ZCCHC4: variants seen among roughly 807,000 people sequenced by gnomAD.
ZCCHC4 encodes zinc finger CCHC-type containing 4, also known as rRNA N(6)-adenosine-methyltransferase ZCCHC4.
Under a neutral mutation model 67.7 loss-of-function variants are expected in ZCCHC4, and 54 were observed. The observed-to-expected ratio is 0.80, with a 90% CI of 0.64 to 1.00. The LOEUF (loss-of-function observed/expected upper bound fraction) is 1.00. Ranked by LOEUF, ZCCHC4 falls within the 50% of genes least tolerant of loss-of-function variation. The pLI, the probability that ZCCHC4 is intolerant of heterozygous loss-of-function variation, is 0.00. For missense variants in ZCCHC4, 609 were observed against 617.0 expected, an observed-to-expected ratio of 0.99 and a Z score of 0.14; for synonymous variants, 198 against 213.5, an observed-to-expected ratio of 0.93 and a Z score of 0.63.
chr4:25,335,339 T>G (rs921653879), intron 5 of ZCCHC4, among the ~76,000 whole-genome samples: 1 of 152,086 alleles, frequency 6.6e-6, no homozygotes. Flanking sequence ...TCCCAGCTAC[T>G]AGGGAGGCTG....
At chr4:25,364,320 A>G in intron 10 of ZCCHC4, 134 bp from the exon 11 acceptor site, 1 of 602,690 alleles carries the variant, frequency 1.7e-6, no homozygotes, top group Non-Finnish European at 2.5e-6. Flanking sequence ...TCTAATTGTG[A>G]AGCCCAGAAA....
At chr4:25,344,619 AAAAT>A (rs1048974683) in intron 5 of ZCCHC4, among the ~76,000 whole-genome samples, 9 of 151,774 alleles carry the variant, frequency 5.9e-5, no homozygotes, top group African/African-American at 2.2e-4. Context: ...TAATAATAAT[AAAAT>A]AAAATAAATA....
intron 12 of ZCCHC4, chr4:25,365,639 T>C (rs1014073144): frequency 1.0e-6 from 1 of 985,480 alleles, no homozygotes; most frequent in African/African-American, 1.7e-5. Flanking sequence ...TTAAGAAAAA[T>C]ATTTAGACAT....
chr4:25,344,664 A>C (rs1719917761), intron 5 of ZCCHC4, among the ~76,000 whole-genome samples: 1 of 152,016 alleles, frequency 6.6e-6, no homozygotes. Context: ...TTAGCAAAAC[A>C]AAATAATTCA....
intron 4 of ZCCHC4, 73 bp from the exon 5 acceptor site, chr4:25,333,835 T>G: frequency 1.9e-6 from 2 of 1,029,834 alleles, no homozygotes; most frequent in Non-Finnish European, 1.4e-6. Context: ...CATTGATGGT[T>G]TTGTTGTTTG....
chr4:25,329,194 T>A (rs1719046445), intron 3 of ZCCHC4, among the ~76,000 whole-genome samples: 1 of 152,046 alleles, frequency 6.6e-6, no homozygotes, highest in Non-Finnish European at 1.5e-5. Context: ...CTCAAAAAAA[T>A]GAAAATAAAT....
chr4:25,357,371 CTTG>C (rs1720558918), intron 8 of ZCCHC4, among the ~76,000 whole-genome samples: 1 of 152,178 alleles, frequency 6.6e-6, no homozygotes, highest in Non-Finnish European at 1.5e-5. Context: ...TGAAAGTTTC[CTTG>C]TTGTGATACT....
chr4:25,333,269 A>G lies in ZCCHC4; in HGVS notation c.416A>G (p.Gln139Arg), dbSNP rs774692683. The stretch of plus-strand genomic sequence containing the variant: ...TTGTTGTTACCAGATGACTGGGGGC[A>G]ACATAGTGAGCATCAGGTTCTGGGT... Reference protein sequence around the residue: ...QQLLLPDDWGQHSEHQVLGNV... With the variant: ...QQLLLPDDWGRHSEHQVLGNV... Residue 139 changes from glutamine to arginine, a missense_variant, in exon 4 of 13, where the codon CAA becomes CGA. Coordinates refer to ENST00000302874, the MANE Select transcript of ZCCHC4 (RefSeq NM_024936.3). The G allele has an allele frequency of 3.7e-6, 6 of 1,614,080 alleles. No homozygotes were observed. The East Asian group carries it at 8.9e-5, about 24-fold the overall frequency.
intron 3 of ZCCHC4, among the ~76,000 whole-genome samples, chr4:25,328,560 C>T (rs1719012677): frequency 6.6e-6 from 1 of 151,378 alleles, no homozygotes; most frequent in African/African-American, 2.4e-5. Context: ...CTTTTTTCCT[C>T]TGGTTTCTCT....
intron 12 of ZCCHC4, chr4:25,365,663 A>G: frequency 1.0e-6 from 1 of 984,886 alleles, no homozygotes; most frequent in Non-Finnish European, 1.2e-6. Flanking sequence ...TAATGCTTAA[A>G]TATTTGAAAT....
chr4:25,328,473 C>T (rs1158129942), intron 3 of ZCCHC4, among the ~76,000 whole-genome samples: 2 of 152,176 alleles, frequency 1.3e-5, no homozygotes, highest in Non-Finnish European at 2.9e-5. Flanking sequence ...CTCCTGACCT[C>T]AAGTGATCTG....
chr4:25,349,701 A>G (rs1174985804), intron 7 of ZCCHC4, 59 bp downstream of exon 7: 2 of 1,550,254 alleles, frequency 1.3e-6, no homozygotes, highest in Non-Finnish European at 1.8e-6. Flanking sequence ...CCTGTCAAAT[A>G]TTAGCTGAGC....
intron 3 of ZCCHC4, among the ~76,000 whole-genome samples, chr4:25,319,411 G>C (rs979405772): frequency 2.0e-5 from 3 of 151,966 alleles, no homozygotes; most frequent in African/African-American, 7.2e-5. Context: ...GAAAGAAAAG[G>C]CTAAGTGCTT....
chr4:25,327,560 G>A (rs1334025222), intron 3 of ZCCHC4, among the ~76,000 whole-genome samples: 1 of 151,932 alleles, frequency 6.6e-6, no homozygotes, highest in Non-Finnish European at 1.5e-5. Context: ...GCTCACTGTA[G>A]ACTCTACCTC....
At chr4:25,348,690 C>T (rs73098404) in intron 6 of ZCCHC4, among the ~76,000 whole-genome samples, 2,055 of 152,282 alleles carry the variant, frequency 0.013, 48 homozygotes, top group African/African-American at 0.046. Context: ...ATCAGGGACT[C>T]TAGCACCTGC....
rs556197983 is a variant in ZCCHC4 at position 25,332,325 on chromosome 4, C to T, written c.330-858C>T. On this transcript the variant is annotated intron_variant, in intron 3 of 12. Coordinates refer to ENST00000302874, the MANE Select transcript of ZCCHC4 (RefSeq NM_024936.3). ...AAAAAAAAAAAAAAAAAAGATATGA[C>T]TCTTCCCAAACTATAAGGATTGTTT... Among the ~76,000 whole-genome samples the T allele has an allele frequency of 4.0e-5, 6 of 149,370 alleles. No individual in the cohort carries two copies. In the East Asian group the frequency reaches 7.9e-4, roughly 20 times the overall value.
At chr4:25,335,483 G>A (rs1020951038) in intron 5 of ZCCHC4, among the ~76,000 whole-genome samples, 3 of 152,204 alleles carry the variant, frequency 2.0e-5, no homozygotes, top group South Asian at 2.1e-4. Context: ...TAGCCTGGCC[G>A]GGTACAGTGG....
chr4:25,339,158 G>A (rs1719608983), intron 5 of ZCCHC4, among the ~76,000 whole-genome samples: 1 of 152,142 alleles, frequency 6.6e-6, no homozygotes, highest in East Asian at 1.9e-4. Context: ...ATACCAGTCA[G>A]ATTGGAGTAA....
In ZCCHC4 at chr4:25,312,853, G is replaced by A. The variant is rs368750590; in HGVS notation, c.44G>A (p.Gly15Asp). Residue 15 changes from glycine to aspartate, a missense_variant, in exon 1 of 13, where the codon GGC becomes GAC. Physicochemically the swap from Gly to Asp is moderately conservative, Grantham distance 94. Transcript: ENST00000302874. ...GGGTTTGAAGCCGTGGAGGCAGAGG[G>A]CAGCGCAGGGTGCCGGGGAAGCTCG... Reference protein sequence around the residue: ...RNGFEAVEAEGSAGCRGSSGM... With the variant: ...RNGFEAVEAEDSAGCRGSSGM... The A allele has an allele frequency of 6.2e-7, 1 of 1,613,246 alleles. No homozygotes were observed.
Sources: gnomAD v4.1 joint callset for allele counts (sites outside exome capture counted in the v4.1 genomes callset) on GRCh38, gnomAD v4.1.1 for gene constraint, MANE v1.5 for transcripts, NCBI Gene and HGNC (gene_info 2026-07-23, HGNC 2026-07-21) for gene names.